The following LARGE1 variants were observed in gnomAD, a reference collection of about 807,000 sequenced individuals.
LARGE1 encodes the protein LARGE xylosyl- and glucuronyltransferase 1, also known as xylosyl- and glucuronyltransferase LARGE1.
A neutral mutation model predicts 87.6 loss-of-function variants in LARGE1; 43 were observed. The observed-to-expected ratio is 0.49, with a 90% CI of 0.38 to 0.63. The LOEUF (loss-of-function observed/expected upper bound fraction) is 0.63. Ranked by LOEUF, LARGE1 falls within the 30% of genes least tolerant of loss-of-function variation. LARGE1 has a pLI of 0.00. For missense variants in LARGE1, 802 were observed against 1,000.2 expected (o/e 0.80, Z 2.67); for synonymous variants, 434 against 394.6 (o/e 1.10, Z -1.18).
chr22:33,463,115 A>T (rs937662357), intron 6 of LARGE1, among the ~76,000 whole-genome samples: 1 of 152,188 alleles, frequency 6.6e-6, no homozygotes, highest in Admixed American at 6.5e-5. Context: ...TGACAACTAG[A>T]AAGCACAATA....
intron 2 of LARGE1, among the ~76,000 whole-genome samples, chr22:33,693,131 C>A (rs2082142802): frequency 6.6e-6 from 1 of 152,190 alleles, no homozygotes; most frequent in Non-Finnish European, 1.5e-5. Context: ...CTATCCTAAG[C>A]AAATTGACAC....
At chr22:33,151,755 A>T in the LARGE1 span, among the ~76,000 whole-genome samples, 5 of 152,220 alleles carry the variant, frequency 3.3e-5, no homozygotes. Flanking sequence ...ACACTGAAAC[A>T]GCCTTGCATT....
In LARGE1 at chr22:33,274,041, G is replaced by A. The variant is rs1259391557; in HGVS notation, c.*386C>T. The A allele has an allele frequency of 2.6e-6, 1 of 390,782 alleles. No individual in the cohort carries two copies. The highest frequency in any genetic ancestry group is 2.0e-5 in the African/African-American group (1 of 49,496). The allele number at this position is 390,782 out of a possible 1,614,324, so 24.2% of individuals were successfully genotyped here. ...TGGGACGAATAACCCCTAGAACCCT[G>A]ACTTCCCTTTCTCCCCAGTTATGAT... On this transcript the variant is annotated 3_prime_UTR_variant, in exon 15 of 15. Transcript: ENST00000397394.
chr22:33,214,718 G>A (rs546471905), intron 11 of LARGE1, among the ~76,000 whole-genome samples: 2 of 152,330 alleles, frequency 1.3e-5, no homozygotes, highest in African/African-American at 4.8e-5. Flanking sequence ...GTGTGTGCAT[G>A]CAGGATTTTC....
At chr22:33,735,587 TCTC>T (rs1430047284) in intron 2 of LARGE1, among the ~76,000 whole-genome samples, 1 of 152,152 alleles carries the variant, frequency 6.6e-6, no homozygotes. Context: ...GGGATCCAAG[TCTC>T]CTGGTCCTGT....
intron 5 of LARGE1, 75 bp from the exon 6 acceptor site, chr22:33,565,094 T>A: frequency 7.6e-7 from 1 of 1,312,620 alleles, no homozygotes; most frequent in Non-Finnish European, 1.1e-6. Context: ...GCTTAAACAT[T>A]ATAAATAGTG....
At chr22:33,431,658 A>C (rs2067085735) in intron 7 of LARGE1, among the ~76,000 whole-genome samples, 1 of 152,176 alleles carries the variant, frequency 6.6e-6, no homozygotes, top group African/African-American at 2.4e-5. Context: ...CTAAACAAAA[A>C]CTTTAAGAGA....
chr22:33,304,718 T>C (rs755641277), intron 11 of LARGE1, among the ~76,000 whole-genome samples: 1 of 151,514 alleles, frequency 6.6e-6, no homozygotes, highest in Non-Finnish European at 1.5e-5. Context: ...TGCTTCCAAC[T>C]GAACATGTGA....
At chr22:33,184,090 A>G (rs979197313) in intron 11 of LARGE1, among the ~76,000 whole-genome samples, 9 of 142,840 alleles carry the variant, frequency 6.3e-5, no homozygotes, top group African/African-American at 1.8e-4. Flanking sequence ...TCAGTACACT[A>G]TATATATATA....
chr22:33,323,125 AAAC>A (rs1010526859), intron 10 of LARGE1, among the ~76,000 whole-genome samples: 3 of 152,102 alleles, frequency 2.0e-5, no homozygotes, highest in African/African-American at 7.2e-5. Context: ...CTGTCTCAAA[AAAC>A]AACCACCACC....
chr22:33,404,884 G>T (rs187503965), intron 7 of LARGE1, among the ~76,000 whole-genome samples: 4 of 152,268 alleles, frequency 2.6e-5, no homozygotes, highest in Admixed American at 2.6e-4. Flanking sequence ...GTTCAGTGGG[G>T]GGGAAGGAAA....
At chr22:33,631,807 A>G (rs1156249398) in intron 3 of LARGE1, among the ~76,000 whole-genome samples, 1 of 152,254 alleles carries the variant, frequency 6.6e-6, no homozygotes, top group Non-Finnish European at 1.5e-5. Flanking sequence ...ATAGTTTTAT[A>G]CAAATGGCAG....
chr22:33,516,631 C>G (rs758802439), intron 6 of LARGE1, among the ~76,000 whole-genome samples: 8 of 145,484 alleles, frequency 5.5e-5, no homozygotes, highest in Non-Finnish European at 9.0e-5. Context: ...CTTCTGCCAT[C>G]AGGCTGGAGT....
chr22:33,870,810 C>T (rs1382358079), intron 1 of LARGE1, among the ~76,000 whole-genome samples: 14 of 152,152 alleles, frequency 9.2e-5, no homozygotes, highest in African/African-American at 3.4e-4. Flanking sequence ...TCAGGTGATC[C>T]GTTCACCTTG....
chr22:33,624,712 G>C (rs1461009350), intron 4 of LARGE1, among the ~76,000 whole-genome samples: 1 of 152,150 alleles, frequency 6.6e-6, no homozygotes, highest in Non-Finnish European at 1.5e-5. Context: ...TCCACCCCTT[G>C]ACAAGGAGAA....
chr22:33,190,317 CT>C (rs1923709791), intron 11 of LARGE1, among the ~76,000 whole-genome samples: 1 of 152,058 alleles, frequency 6.6e-6, no homozygotes, highest in Non-Finnish European at 1.5e-5. Flanking sequence ...TGAATATTTC[CT>C]TCTTCAGACT....
intron 1 of LARGE1, among the ~76,000 whole-genome samples, chr22:33,795,612 A>C (rs1454192542): frequency 6.6e-6 from 1 of 152,182 alleles, no homozygotes; most frequent in Non-Finnish European, 1.5e-5. Context: ...AACCAACCCA[A>C]ATGTCCATCA....
intron 6 of LARGE1, among the ~76,000 whole-genome samples, chr22:33,557,241 T>C (rs2077717453): frequency 6.6e-6 from 1 of 152,168 alleles, no homozygotes; most frequent in East Asian, 1.9e-4. Flanking sequence ...AATCTGAAAA[T>C]AATTAAAACC....
intron 6 of LARGE1, among the ~76,000 whole-genome samples, chr22:33,551,881 C>T (rs1218028433): frequency 6.6e-6 from 1 of 150,906 alleles, no homozygotes; most frequent in Middle Eastern, 3.2e-3. Flanking sequence ...GTAGTCCCAG[C>T]TACTTGGGAG....
Sources: gnomAD v4.1 joint callset for allele counts (sites outside exome capture counted in the v4.1 genomes callset) on GRCh38, gnomAD v4.1.1 for gene constraint, MANE v1.5 for transcripts, NCBI Gene and HGNC (gene_info 2026-07-23, HGNC 2026-07-21) for gene names.